Variants in CA9 observed in about 807,000 individuals in gnomAD.
The protein encoded by CA9 is CA-IX.
CA9 carries 43 observed loss-of-function variants against 51.8 expected under a neutral mutation model. The observed-to-expected ratio is 0.83, with a 90% CI of 0.65 to 1.07. CA9 has a LOEUF of 1.07. Ranked by LOEUF, CA9 falls within the 50% of genes least tolerant of loss-of-function variation. The pLI, the probability that CA9 is intolerant of heterozygous loss-of-function variation, is 0.00. For synonymous variants in CA9, 253 were observed against 244.2 expected (o/e 1.04, Z -0.34); for missense variants, 574 against 581.4 (o/e 0.99, Z 0.13).
At chr9:35,674,424 C>A (rs1385653835) in intron 1 of CA9, 62 bp downstream of exon 1, 2 of 1,483,838 alleles carry the variant, frequency 1.3e-6, no homozygotes, top group African/African-American at 1.4e-5. Context: ...CTCCCATACC[C>A]CAGCCTAGGC....
Position 35,674,121 on chromosome 9 carries a change from T to C in CA9, c.162T>C (p.Ser54=), listed in dbSNP as rs368343205. Residue 54 remains serine (S), a synonymous_variant, in exon 1 of 11, where the codon TCT becomes TCC. Transcript: ENST00000378357. ...ATTCCCCCTTGGGAGGAGGCTCTTC[T>C]GGGGAAGATGACCCACTGGGCGAGG... ...QEDSPLGGGS[S]GEDDPLGEED... is the part of the protein sequence containing the mutation. 28 of 1,614,008 alleles carry C rather than the reference T, an allele frequency of 1.7e-5. No homozygotes were observed. Among genetic ancestry groups the C allele is most frequent in the Non-Finnish European group, 2.3e-5 (27 of 1,179,988 alleles).
Position 35,676,089 on chromosome 9 carries a change from A to C in CA9, c.630A>C (p.Leu210=), listed in dbSNP as rs1449928782. 2 of 1,613,260 alleles carry C rather than the reference A, an allele frequency of 1.2e-6. No individual in the cohort carries two copies. The highest frequency in any genetic ancestry group is 3.3e-5 in the Admixed American group (2 of 59,948). The part of the protein sequence containing the change: ...HSVQLTLPPG[L]EMALGPGREY... ...TGCAACTGACCCTGCCTCCTGGGCT[A>C]GAGATGGCTCTGGGTCCCGGGCGGG... The change falls in exon 4 of 11, where the codon CTA becomes CTC. Residue 210 remains leucine, a synonymous_variant. Coordinates refer to ENST00000378357, the MANE Select transcript of CA9 (RefSeq NM_001216.3).
At chr9:35,680,351 T>C (rs1227135645) in intron 9 of CA9, among the ~76,000 whole-genome samples, 1 of 149,022 alleles carries the variant, frequency 6.7e-6, no homozygotes, top group Non-Finnish European at 1.5e-5. Context: ...CCAGCATCCC[T>C]CTCGCAAAAC....
intron 9 of CA9, among the ~76,000 whole-genome samples, chr9:35,680,371 C>CA (rs1456442397): frequency 6.6e-6 from 1 of 152,116 alleles, no homozygotes; most frequent in African/African-American, 2.4e-5. Flanking sequence ...CAATCCCCCC[C>CA]CTTTTTTTAA....
rs764177293 is a variant in CA9, at chr9:35,674,130, T to C, written c.171T>C (p.Asp57=). 36 of 1,613,982 alleles carry C rather than the reference T, an allele frequency of 2.2e-5. 1 individual carries two copies. The Middle Eastern group carries it at 6.6e-4, about 29-fold the overall frequency. Reference sequence around the variant, plus strand: ...TGGGAGGAGGCTCTTCTGGGGAAGATGACCCACTGGGCGAGGAGGATCTGC... The same window carrying C: ...TGGGAGGAGGCTCTTCTGGGGAAGACGACCCACTGGGCGAGGAGGATCTGC... ...SPLGGGSSGE[D]DPLGEEDLPS... The change falls in exon 1 of 11, where the codon GAT becomes GAC. Residue 57 remains aspartate, a synonymous_variant. Coordinates refer to ENST00000378357, the MANE Select transcript of CA9 (RefSeq NM_001216.3).
chr9:35,680,818 A>C lies in CA9; in HGVS notation c.1303A>C (p.Met435Leu), dbSNP rs780565751. Residue 435 changes from methionine (M) to leucine (L), a missense_variant, in exon 10 of 11, where the codon ATG (methionine) becomes CTG (leucine). By Grantham distance (15) the Met-to-Leu change is conservative. Transcript: ENST00000378357. ...CACCAGCGTCGCGTTCCTTGTGCAG[A>C]TGAGAAGGCAGCACAGGTATTACAC... is the stretch of plus-strand genomic sequence containing the variant. ...AVTSVAFLVQMRRQHRRGTKG... is the reference protein window; with the variant it reads ...AVTSVAFLVQLRRQHRRGTKG... 1 of 1,614,180 alleles carries C rather than the reference A, an allele frequency of 6.2e-7. No homozygotes were observed.
At chr9:35,680,906 G>A in intron 10 of CA9, 59 bp from the exon 11 acceptor site, 1 of 1,609,696 alleles carries the variant, frequency 6.2e-7, no homozygotes, top group East Asian at 2.2e-5. Context: ...CAAAGCGCAT[G>A]CAAATGAGCT....
chr9:35,675,416 C>G (rs1000492441), intron 1 of CA9, 122 bp from the exon 2 acceptor site: 47 of 1,129,638 alleles, frequency 4.2e-5, no homozygotes, highest in Non-Finnish European at 5.9e-5. Flanking sequence ...GCACCTGGCC[C>G]GCTTAAGGCA....
chr9:35,677,780 C>T lies in CA9; in HGVS notation c.841-10C>T, dbSNP rs759926601. 32 of 1,612,676 alleles carry T rather than the reference C, an allele frequency of 2.0e-5. No homozygotes were observed. The highest frequency in any genetic ancestry group is 2.7e-5 in the Non-Finnish European group (32 of 1,178,768). On this transcript the variant is annotated splice_polypyrimidine_tract_variant and intron_variant, in intron 5 of 10. Transcript: ENST00000378357. ...CATGCACTCATCTGTCTTACAATGT[C>T]ATCCCCCAGGAGGGCCCGGAAGAAA...
In CA9 at chr9:35,681,045, G is replaced by GT; in HGVS notation, c.*21dup. On this transcript the variant is annotated 3_prime_UTR_variant, in exon 11 of 11. Transcript: ENST00000378357. ...GCCTAGAGGCTGGATCTTGGAGAATGTGAGAAGCCAGCCAGAGGCATCTGA... is the reference window on the plus strand; with the variant it reads ...GCCTAGAGGCTGGATCTTGGAGAATGTTGAGAAGCCAGCCAGAGGCATCTGA... 1 of 1,611,666 alleles carries GT rather than the reference G, an allele frequency of 6.2e-7. No homozygotes were observed. The highest frequency in any genetic ancestry group is 8.5e-7 in the Non-Finnish European group (1 of 1,178,904).
Position 35,675,496 on chromosome 9 carries a change from G to A in CA9, c.404-42G>A, listed in dbSNP as rs375963159. The A allele has an allele frequency of 7.9e-5, 128 of 1,611,946 alleles. No homozygotes were observed. In the Middle Eastern group the frequency reaches 1.2e-3, roughly 15 times the overall value. On this transcript the variant is annotated intron_variant, in intron 1 of 10. Transcript: ENST00000378357. ...TCGTTTTGGTCGCCAGGAAGGGATT[G>A]GGGCTCTAAGCTTGAGCGGTTCATC...
chr9:35,675,338 A>G (rs1470271148), intron 1 of CA9, 200 bp from the exon 2 acceptor site: 2 of 626,678 alleles, frequency 3.2e-6, no homozygotes, highest in Non-Finnish European at 5.7e-6. Flanking sequence ...AATGATTGCA[A>G]GCTGGTAGGA....
rs753752724 is a variant in CA9 at position 35,675,897 on chromosome 9, C to G, written c.570C>G (p.Leu190=). 20 of 1,608,894 alleles carry G rather than the reference C, an allele frequency of 1.2e-5. No homozygotes were observed. The Middle Eastern group carries it at 4.9e-4, about 40-fold the overall frequency. The change falls in exon 3 of 11, where the codon CTC becomes CTG. Residue 190 remains leucine (L), a synonymous_variant. Transcript: ENST00000378357. ...LELLGFQLPP[L]PELRLRNNGH... is the part of the protein sequence containing the mutation. ...TCCTGGGCTTCCAGCTCCCGCCGCTCCCAGAACTGCGCCTGCGCAACAATG... is the reference window on the plus strand; with the variant it reads ...TCCTGGGCTTCCAGCTCCCGCCGCTGCCAGAACTGCGCCTGCGCAACAATG...
rs1563923804 is a variant in CA9 at position 35,680,129 on chromosome 9, C to T, written c.1227C>T (p.Cys409=). The T allele has an allele frequency of 6.2e-7, 1 of 1,614,238 alleles. No homozygotes were observed. Among genetic ancestry groups the T allele is most frequent in the Non-Finnish European group, 8.5e-7 (1 of 1,180,042 alleles). ...TCTCTCCAGTCCAGCTGAATTCCTG[C>T]CTGGCTGCTGGTGAGTCTGCCCCTC... ...RAAEPVQLNS[C]LAAGDILALV... The change falls in exon 9 of 11, where the codon TGC becomes TGT. Residue 409 remains cysteine, a synonymous_variant. Transcript: ENST00000378357.
chr9:35,679,689 C>T (rs1047179338), intron 7 of CA9, among the ~76,000 whole-genome samples, 165 bp from the exon 8 acceptor site: 2 of 152,194 alleles, frequency 1.3e-5, no homozygotes, highest in Non-Finnish European at 2.9e-5. Context: ...CCACTGCCTA[C>T]CATCTTTAGG....
Position 35,680,746 on chromosome 9 carries a change from A to G in CA9, c.1238-7A>G, listed in dbSNP as rs1824531294. 3 of 1,613,716 alleles carry G rather than the reference A, an allele frequency of 1.9e-6. No individual in the cohort carries two copies. The highest frequency in any genetic ancestry group is 1.7e-5 in the Admixed American group (1 of 59,998). On this transcript the variant is annotated splice_polypyrimidine_tract_variant and splice_region_variant and intron_variant, in intron 9 of 10. Coordinates refer to ENST00000378357, the MANE Select transcript of CA9 (RefSeq NM_001216.3). ...CCCAAAGCAGCCCTCTCTGCTCTCC[A>G]TCGCAGGTGACATCCTAGCCCTGGT...
intron 9 of CA9, 168 bp from the exon 10 acceptor site, chr9:35,680,585 T>C (rs1824525948): frequency 6.4e-6 from 4 of 623,532 alleles, no homozygotes; most frequent in South Asian, 5.8e-5. Flanking sequence ...TCTTACCCCT[T>C]CTCGTGTATC....
intron 9 of CA9, 121 bp downstream of exon 9, chr9:35,680,260 A>G: frequency 9.2e-7 from 1 of 1,081,220 alleles, no homozygotes; most frequent in Non-Finnish European, 1.4e-6. Flanking sequence ...CCCAACCCCA[A>G]TATTAGAGAG....
At chr9:35,675,983 G>A (rs911529944) in intron 3 of CA9, 52 bp downstream of exon 3, 7 of 1,602,268 alleles carry the variant, frequency 4.4e-6, no homozygotes, top group African/African-American at 1.3e-5. Flanking sequence ...CGCAGGGAAG[G>A]GAACCGTCGC....
Sources: gnomAD v4.1 joint callset for allele counts (sites outside exome capture counted in the v4.1 genomes callset) on GRCh38, gnomAD v4.1.1 for gene constraint, MANE v1.5 for transcripts, NCBI Gene and HGNC (gene_info 2026-07-23, HGNC 2026-07-21) for gene names.